Variants in SERPINB6 observed in about 807,000 individuals in gnomAD.
The protein encoded by SERPINB6 is serpin family B member 6.
A neutral mutation model predicts 26.1 loss-of-function variants in SERPINB6; 16 were observed. The ratio of observed to expected loss-of-function variants is 0.61; its 90% CI spans 0.42 to 0.93. SERPINB6 has a LOEUF of 0.93. Ranked by LOEUF, SERPINB6 falls within the 40% of genes least tolerant of loss-of-function variation. The probability of loss-of-function intolerance (pLI) is 0.00; values close to 1 mark genes in which losing one functional copy is unlikely to be tolerated. For synonymous variants in SERPINB6, 174 were observed against 176.6 expected, an observed-to-expected ratio of 0.99 and a Z score of 0.11; for missense variants, 420 against 478.0, an observed-to-expected ratio of 0.88 and a Z score of 1.13.
rs777319011 is a variant in SERPINB6, at chr6:2,948,889, G to A, written c.729+25C>T. 13 of 1,613,938 alleles carry A rather than the reference G, an allele frequency of 8.1e-6. No individual in the cohort carries two copies. The highest frequency in any genetic ancestry group is 4.4e-5 in the South Asian group (4 of 91,088). On this transcript the variant is annotated intron_variant, in intron 6 of 6. Transcript: ENST00000380539. The surrounding 1 kb of genome is among the most constrained non-coding windows in gnomAD (Gnocchi z 5.0). ...CCCCCGAGTGGCTCCTTGCTAGCAC[G>A]CCTCGCTCACAGCTTAGCTGTTACC...
chr6:2,955,039 A>T (rs1212012622), intron 3 of SERPINB6: 1 of 316,942 alleles, frequency 3.2e-6, no homozygotes, highest in Non-Finnish European at 6.0e-6. Context: ...AAAATACAAA[A>T]ATTAGCCATG....
chr6:2,965,146 T>C (rs1771490736), intron 1 of SERPINB6, among the ~76,000 whole-genome samples: 1 of 152,248 alleles, frequency 6.6e-6, no homozygotes, highest in African/African-American at 2.4e-5. Flanking sequence ...ATTTGCCTTA[T>C]ATTAATAGTG....
chr6:2,970,710 G>T, intron 1 of SERPINB6: 1 of 1,146,694 alleles, frequency 8.7e-7, no homozygotes, highest in Non-Finnish European at 1.1e-6. Context: ...GTTTTCCGAA[G>T]CCAATCTTTA....
chr6:2,970,873 GTCCACACGATCGTC>G, intron 1 of SERPINB6: 1 of 1,231,414 alleles, frequency 8.1e-7, no homozygotes. Context: ...ATCCGGGCTG[GTCCACACGATCGTC>G]TCCACAGGTC....
chr6:2,967,172 G>T lies in SERPINB6; in HGVS notation c.-11+4361C>A. On this transcript the variant is annotated intron_variant, in intron 1 of 6. Transcript: ENST00000380539. This position sits in a 1 kb window ranked among gnomAD's most constrained non-coding sequence, Gnocchi z 4.3. ...AGAGCTCCAGCCACCCAGACTCCTC[G>T]AGTTGGAGGGATCTGTTAACCTGCC... 1.0e-6 allele frequency: 1 copy of T among 985,340 alleles called. No individual in the cohort carries two copies. 61.0% of individuals were successfully genotyped at this position (985,340 alleles called of 1,614,324 possible).
chr6:2,968,453 G>A, intron 1 of SERPINB6: 1 of 916,952 alleles, frequency 1.1e-6, no homozygotes. Context: ...CTAAATAGAG[G>A]TTTAAAAGGT....
chr6:2,954,808 T>C (rs559330278), intron 3 of SERPINB6, 99 bp from the exon 4 acceptor site: 3 of 807,774 alleles, frequency 3.7e-6, no homozygotes, highest in African/African-American at 1.7e-5. Flanking sequence ...TATAATTTTA[T>C]GATTGACATA....
At chr6:2,970,524 T>C in intron 1 of SERPINB6, 27 of 1,176,756 alleles carry the variant, frequency 2.3e-5, no homozygotes, top group Non-Finnish European at 2.7e-5. Flanking sequence ...ACACATCAGA[T>C]CTCATCGCAT....
Position 2,961,950 on chromosome 6 carries a change from G to A in SERPINB6, c.-10-2608C>T, listed in dbSNP as rs1254814933. 1.5e-5 allele frequency: 15 copies of A among 983,276 alleles called. No homozygotes were observed. The South Asian group carries it at 3.8e-4, about 25-fold the overall frequency. 60.9% of individuals were successfully genotyped at this position (983,276 alleles called of 1,614,324 possible). A position where few individuals can be genotyped will look rare whatever the true frequency, so the allele number is the denominator to read the frequency against. ...CACCTTGCCCAGGCTGCTCTCCAACGCCTGGCCTCAAGTGATCTTCCTGCC... is the reference window on the plus strand; with the variant it reads ...CACCTTGCCCAGGCTGCTCTCCAACACCTGGCCTCAAGTGATCTTCCTGCC... On this transcript the variant is annotated intron_variant, in intron 1 of 6. Transcript: ENST00000380539.
At chr6:2,956,073 TC>T in intron 2 of SERPINB6, 2 of 180,062 alleles carry the variant, frequency 1.1e-5, no homozygotes, top group East Asian at 1.4e-4. Flanking sequence ...AGACTCCGTC[TC>T]AAAAAAAAAA....
intron 1 of SERPINB6, chr6:2,970,776 T>C (rs1772073829): frequency 2.4e-6 from 3 of 1,229,868 alleles, no homozygotes; most frequent in Non-Finnish European, 1.0e-6. Flanking sequence ...CAATTTGTAG[T>C]TAAAGTTTCC....
chr6:2,954,834 AAT>A, intron 3 of SERPINB6, 125 bp from the exon 4 acceptor site: 1 of 731,598 alleles, frequency 1.4e-6, no homozygotes, highest in South Asian at 1.5e-5. Flanking sequence ...TTTACAAATA[AAT>A]ATGAGGACTT....
intron 3 of SERPINB6, 69 bp downstream of exon 3, chr6:2,955,455 T>G (rs551156451): frequency 9.4e-6 from 15 of 1,596,068 alleles, no homozygotes; most frequent in Middle Eastern, 1.7e-4. Flanking sequence ...ACACGCTTCC[T>G]GCTGGGCCCC....
chr6:2,949,056 G>A lies in SERPINB6; in HGVS notation c.587C>T (p.Pro196Leu), dbSNP rs1769468851. 1 of 1,614,084 alleles carries A rather than the reference G, an allele frequency of 6.2e-7. No individual in the cohort carries two copies. The highest frequency in any genetic ancestry group is 2.2e-5 in the East Asian group (1 of 44,886). The change falls in exon 6 of 7, where the codon CCT (proline) becomes CTT (leucine). Residue 196 changes from proline (P) to leucine (L), a missense_variant. By Grantham distance (98) the Pro-to-Leu change is moderately conservative (BLOSUM62 -3). Transcript: ENST00000380539. ...AGATTGCTTAAACATCATTTGCACAGGTTTCTCCTCATTCTACAAAGAAAA... is the reference window on the plus strand; with the variant it reads ...AGATTGCTTAAACATCATTTGCACAAGTTTCTCCTCATTCTACAAAGAAAA... ...LFKVSKNEEK[P>L]VQMMFKQSTF...
Position 2,948,595 on chromosome 6 carries a change from T to G in SERPINB6, c.834A>C (p.Glu278Asp), listed in dbSNP as rs994520292. ...EVSLPRFKLEESYDMESVLRN... is the reference protein window; with the variant it reads ...EVSLPRFKLEDSYDMESVLRN... Reference sequence around the variant, plus strand: ...GCAGGACACTCTCCATGTCGTAGCTTTCCTCTAGTTTAAACCGCGGGAGGG... The same window carrying G: ...GCAGGACACTCTCCATGTCGTAGCTGTCCTCTAGTTTAAACCGCGGGAGGG... Residue 278 changes from glutamate to aspartate, a missense_variant, in exon 7 of 7, where the codon GAA becomes GAC. Glu to Asp is a conservative substitution (Grantham distance 45). Transcript: ENST00000380539. This position sits in a 1 kb window ranked among gnomAD's most constrained non-coding sequence, Gnocchi z 5.0. 4 of 1,614,062 alleles carry G rather than the reference T, an allele frequency of 2.5e-6. No homozygotes were observed. The highest frequency in any genetic ancestry group is 3.4e-6 in the Non-Finnish European group (4 of 1,180,012).
At chr6:2,955,461 G>T in intron 3 of SERPINB6, 63 bp downstream of exon 3, 1 of 1,603,470 alleles carries the variant, frequency 6.2e-7, no homozygotes, top group Non-Finnish European at 8.5e-7. Context: ...TTCCTGCTGG[G>T]CCCCAGCCCC....
chr6:2,952,458 G>T (rs887170059), intron 5 of SERPINB6, among the ~76,000 whole-genome samples: 3 of 152,232 alleles, frequency 2.0e-5, no homozygotes, highest in Non-Finnish European at 4.4e-5. Context: ...ATCAGCAAAT[G>T]ACATCTTCCA....
intron 5 of SERPINB6, 44 bp downstream of exon 5, chr6:2,953,000 T>G: frequency 6.2e-7 from 1 of 1,613,214 alleles, no homozygotes; most frequent in Non-Finnish European, 8.5e-7. Flanking sequence ...CCGGAGACGC[T>G]CGTGTGAACA....
In SERPINB6 at chr6:2,962,512, T is replaced by C. The variant is rs143883218; in HGVS notation, c.-10-3170A>G. Among the ~76,000 whole-genome samples the C allele has an allele frequency of 3.6e-3, 549 of 152,334 alleles. 3 individuals are homozygous for C. The highest frequency in any genetic ancestry group is 0.013 in the African/African-American group (526 of 41,568). On this transcript the variant is annotated intron_variant, in intron 1 of 6. Coordinates refer to ENST00000380539, the MANE Select transcript of SERPINB6 (RefSeq NM_004568.6). The stretch of plus-strand genomic sequence containing the variant: ...TCCTCTCTGTATGAGGAAAAGCATA[T>C]ACCAGATAATCTGGGTTCCCTTCCA...
Sources: gnomAD v4.1 joint callset for allele counts (sites outside exome capture counted in the v4.1 genomes callset) on GRCh38, gnomAD v4.1.1 for gene constraint, Gnocchi (gnomAD v3.1) non-coding constraint, MANE v1.5 for transcripts, NCBI Gene and HGNC (gene_info 2026-07-23, HGNC 2026-07-21) for gene names.